The following ANKRD28 variants were observed in gnomAD, a reference collection of about 807,000 sequenced individuals.
ANKRD28 encodes the protein serine/threonine-protein phosphatase 6 regulatory ankyrin repeat subunit A.
ANKRD28 carries 44 observed loss-of-function variants against 126.5 expected under a neutral mutation model. The observed-to-expected ratio is 0.35, with a 90% confidence interval of 0.27 to 0.45. ANKRD28 has a LOEUF of 0.45. Among genes scored for constraint, ANKRD28 ranks in the 20% least tolerant of loss-of-function variants. The pLI is 1.00. For synonymous variants in ANKRD28, 442 were observed against 468.5 expected, an observed-to-expected ratio of 0.94 and a Z score of 0.73; for missense variants, 1,110 against 1,316.6, an observed-to-expected ratio of 0.84 and a Z score of 2.43.
At chr3:15,850,141 T>C (rs998434124) in intron 1 of ANKRD28, among the ~76,000 whole-genome samples, 12 of 145,496 alleles carry the variant, frequency 8.2e-5, no homozygotes, top group Admixed American at 4.2e-4. Flanking sequence ...GGGGGAAAGA[T>C]TACCTTTTTC....
intron 23 of ANKRD28, among the ~76,000 whole-genome samples, chr3:15,678,907 A>G (rs2067234758): frequency 1.3e-5 from 2 of 152,246 alleles, no homozygotes; most frequent in South Asian, 4.1e-4. Flanking sequence ...ACTTTTAATA[A>G]TGGGTTTTCT....
chr3:15,692,282 C>G (rs955193720), intron 17 of ANKRD28, among the ~76,000 whole-genome samples: 1 of 151,760 alleles, frequency 6.6e-6, no homozygotes, highest in Non-Finnish European at 1.5e-5. Flanking sequence ...GACCTTGTCT[C>G]TACAAAAAAA....
intron 6 of ANKRD28, among the ~76,000 whole-genome samples, chr3:15,728,153 AT>A (rs146003651): frequency 0.09 from 13,614 of 151,482 alleles, 686 homozygotes; most frequent in South Asian, 0.12. Flanking sequence ...GATAGTTAGC[AT>A]TTTTTTTTAG....
intron 1 of ANKRD28, among the ~76,000 whole-genome samples, chr3:15,822,500 A>G (rs999652578): frequency 6.6e-6 from 1 of 152,268 alleles, no homozygotes; most frequent in African/African-American, 2.4e-5. Flanking sequence ...TTGGCTCTCC[A>G]GCTACAATAT....
intron 8 of ANKRD28, among the ~76,000 whole-genome samples, chr3:15,715,104 T>C (rs564819726): frequency 6.6e-6 from 1 of 152,326 alleles, no homozygotes; most frequent in East Asian, 1.9e-4. Flanking sequence ...GTACTAAATA[T>C]TTTCTCAAAT....
At chr3:15,758,645 C>T (rs1005800191) in intron 3 of ANKRD28, among the ~76,000 whole-genome samples, 5 of 152,166 alleles carry the variant, frequency 3.3e-5, no homozygotes, top group African/African-American at 1.2e-4. Flanking sequence ...ATACCCTGAA[C>T]AGATCCTTCC....
rs1288971160 is a variant in ANKRD28, at chr3:15,751,767, C to T, written c.334G>A (p.Val112Ile). The change falls in exon 4 of 28, where the codon GTT (valine) becomes ATT (isoleucine). Residue 112 changes from valine to isoleucine, a missense_variant. Val to Ile is a conservative substitution (Grantham distance 29). Coordinates refer to ENST00000683139, the MANE Select transcript of ANKRD28 (RefSeq NM_001349278.2). ...TTTCATACCTCACTACAAGATGCAA[C>T]TGCTCTGTGTAAAGGTGTCAACCAT... ...SKWLTPLHRAVASCSEEAVQV... is the reference protein window; with the variant it reads ...SKWLTPLHRAIASCSEEAVQV... The T allele has an allele frequency of 3.3e-5, 53 of 1,587,836 alleles. No homozygotes were observed. The highest frequency in any genetic ancestry group is 4.5e-5 in the Non-Finnish European group (53 of 1,166,528).
intron 3 of ANKRD28, among the ~76,000 whole-genome samples, chr3:15,757,931 A>G (rs532413372): frequency 8.3e-4 from 127 of 152,344 alleles, no homozygotes; most frequent in Non-Finnish European, 1.7e-3. Context: ...TTAAATATGT[A>G]GCTTTCACTA....
chr3:15,851,693 G>C (rs921524633), intron 1 of ANKRD28, among the ~76,000 whole-genome samples: 2 of 152,136 alleles, frequency 1.3e-5, no homozygotes, highest in African/African-American at 4.8e-5. Flanking sequence ...TACGCTGCTG[G>C]GAATGAAAAA....
chr3:15,670,631 A>C (rs2066242263), intron 27 of ANKRD28, 75 bp from the exon 28 acceptor site: 1 of 1,418,082 alleles, frequency 7.1e-7, no homozygotes, highest in African/African-American at 1.4e-5. Context: ...ATAAGCCTAA[A>C]GTACTTCAAC....
In ANKRD28 at chr3:15,785,216, G is replaced by A. The variant is rs117094123; in HGVS notation, c.201+10007C>T. ...AAGGCATGTTCAATGAAGAAGAATC[G>A]ATAAGCTGTGACTTCGTTAAAATTC... is the stretch of plus-strand genomic sequence containing the variant. On this transcript the variant is annotated intron_variant, in intron 2 of 27. Coordinates refer to ENST00000683139, the MANE Select transcript of ANKRD28 (RefSeq NM_001349278.2). 8.9e-4 allele frequency among the ~76,000 whole-genome samples: 136 copies of A among 152,174 alleles called. No homozygotes were observed. In the East Asian group the frequency reaches 0.023, roughly 26 times the overall value.
chr3:15,784,401 T>C (rs764845641), intron 2 of ANKRD28, among the ~76,000 whole-genome samples: 32 of 152,034 alleles, frequency 2.1e-4, no homozygotes, highest in Non-Finnish European at 3.7e-4. Flanking sequence ...GATTCTTTTG[T>C]TGTTAGATCC....
At chr3:15,753,998 T>A (rs1198046572) in intron 3 of ANKRD28, among the ~76,000 whole-genome samples, 1 of 152,020 alleles carries the variant, frequency 6.6e-6, no homozygotes, top group African/African-American at 2.4e-5. Context: ...TTAATAAAGA[T>A]CTGAAAACAA....
chr3:15,723,864 A>G (rs533652506), intron 7 of ANKRD28, among the ~76,000 whole-genome samples: 2 of 152,362 alleles, frequency 1.3e-5, no homozygotes, highest in South Asian at 4.1e-4. Context: ...AGTTATCTCA[A>G]TTCAGGAATC....
At chr3:15,671,141 C>T (rs1016796879) in intron 27 of ANKRD28, among the ~76,000 whole-genome samples, 1 of 152,168 alleles carries the variant, frequency 6.6e-6, no homozygotes, top group African/African-American at 2.4e-5. Context: ...AAACAGTAGA[C>T]AAACTAAGCA....
chr3:15,693,751 T>C (rs952702368), intron 17 of ANKRD28, among the ~76,000 whole-genome samples: 4 of 152,134 alleles, frequency 2.6e-5, no homozygotes, highest in African/African-American at 7.2e-5. Flanking sequence ...TTCCAAGGAC[T>C]CAAAGGGCAA....
intron 2 of ANKRD28, among the ~76,000 whole-genome samples, chr3:15,783,766 A>AT (rs2059643641): frequency 6.6e-6 from 1 of 152,054 alleles, no homozygotes; most frequent in Non-Finnish European, 1.5e-5. Flanking sequence ...CAGAAGAAAT[A>AT]TTTGAAGTAA....
chr3:15,793,060 A>T (rs1433420951), intron 2 of ANKRD28, among the ~76,000 whole-genome samples: 2 of 152,292 alleles, frequency 1.3e-5, no homozygotes, highest in East Asian at 1.9e-4. Flanking sequence ...CAAAAAACTT[A>T]AGAGAAACCT....
chr3:15,733,967 G>A (rs543558371), intron 6 of ANKRD28, among the ~76,000 whole-genome samples: 4 of 152,278 alleles, frequency 2.6e-5, no homozygotes, highest in Admixed American at 1.3e-4. Flanking sequence ...TAGAAAGAGT[G>A]TATTATAACT....
Sources: allele counts gnomAD v4.1 joint callset (sites outside exome capture counted in the v4.1 genomes callset), GRCh38; gene constraint gnomAD v4.1.1; transcripts MANE v1.5; gene names NCBI Gene and HGNC (gene_info 2026-07-23, HGNC 2026-07-21).